SRP14: variants seen among roughly 807,000 people sequenced by gnomAD.
SRP14 encodes signal recognition particle 14 kDa protein.
In SRP14, 1 loss-of-function variant was observed where a neutral mutation model predicts 16.0. The ratio of observed to expected loss-of-function variants is 0.06; its 90% confidence interval spans 0.02 to 0.30. SRP14 has a LOEUF of 0.30. SRP14 is among the 10% of genes least tolerant of loss of function. SRP14 has a pLI of 1.00. For synonymous variants in SRP14, 67 were observed against 60.1 expected, an observed-to-expected ratio of 1.12 and a Z score of -0.53; for missense variants, 120 against 163.1, an observed-to-expected ratio of 0.74 and a Z score of 1.44.
rs2035609656 is a variant in SRP14, at chr15:40,035,737, T to C, written c.*596A>G. The C allele has an allele frequency of 6.6e-6, 1 of 152,278 alleles. No individual in the cohort carries two copies. Among genetic ancestry groups the C allele is most frequent in the Non-Finnish European group, 1.5e-5 (1 of 68,130 alleles). The allele number at this position is 152,278 out of a possible 1,614,324, so 9.4% of individuals were successfully genotyped here. On this transcript the variant is annotated 3_prime_UTR_variant, in exon 5 of 5. Coordinates refer to ENST00000267884, the MANE Select transcript of SRP14 (RefSeq NM_003134.6). ...AAGGGCATAAAGAAACCAAAAATCA[T>C]AATTACTTTGGAACCTTTATTCTTG... is the stretch of plus-strand genomic sequence containing the variant.
rs1350716297 is a variant in SRP14, at chr15:40,035,843, A to C, written c.*490T>G. The C allele has an allele frequency of 6.5e-6, 1 of 153,870 alleles. No homozygotes were observed. Among genetic ancestry groups the C allele is most frequent in the Non-Finnish European group, 1.4e-5 (1 of 69,222 alleles). The allele number at this position is 153,870 out of a possible 1,614,324, so 9.5% of individuals were successfully genotyped here. A position where few individuals can be genotyped will look rare whatever the true frequency, so the allele number is the denominator to read the frequency against. The stretch of plus-strand genomic sequence containing the variant: ...GAGAACTCATCGAAACTGGGGAACC[A>C]TGATGATAAAATTATACAGCCAGGT... On this transcript the variant is annotated 3_prime_UTR_variant, in exon 5 of 5. Coordinates refer to ENST00000267884, the MANE Select transcript of SRP14 (RefSeq NM_003134.6).
chr15:40,036,850 G>T, intron 4 of SRP14, 136 bp downstream of exon 4: 1 of 1,003,392 alleles, frequency 1.0e-6, no homozygotes. Context: ...TCACACCCTG[G>T]CAGCTTTTAC....
intron 3 of SRP14, among the ~76,000 whole-genome samples, chr15:40,037,940 G>C (rs1380945066): frequency 6.6e-6 from 1 of 151,948 alleles, no homozygotes; most frequent in Non-Finnish European, 1.5e-5. Flanking sequence ...GGAAATAATA[G>C]CATCACCTGG....
rs1455607849 is a variant in SRP14, at chr15:40,036,241, T to C, written c.*92A>G. 6.4e-7 allele frequency: 1 copy of C among 1,570,580 alleles called. No individual in the cohort carries two copies. Among genetic ancestry groups the C allele is most frequent in the Non-Finnish European group, 8.7e-7 (1 of 1,154,390 alleles). ...GACCCTAATCTTATGTGAAAACACC[T>C]ACTGTGGGGGAACCAGAAACCTAGC... On this transcript the variant is annotated 3_prime_UTR_variant, in exon 5 of 5. Transcript: ENST00000267884.
At chr15:40,039,199 C>T, upstream of SRP14, 2 of 1,488,212 alleles carry the variant, frequency 1.3e-6, no homozygotes, top group East Asian at 4.8e-5. Context: ...GCGGGACTTC[C>T]GCTACTAGAC....
At chr15:40,037,540 T>C (rs199623334) in intron 3 of SRP14, among the ~76,000 whole-genome samples, 5 of 151,932 alleles carry the variant, frequency 3.3e-5, no homozygotes, top group Non-Finnish European at 7.4e-5. Context: ...GTTTTTGTTA[T>C]TTCATGATAT....
chr15:40,036,036 A>G lies in SRP14; in HGVS notation c.*297T>C, dbSNP rs1046210209. On this transcript the variant is annotated 3_prime_UTR_variant, in exon 5 of 5. Coordinates refer to ENST00000267884, the MANE Select transcript of SRP14 (RefSeq NM_003134.6). Reference sequence around the variant, plus strand: ...TGGGTTGGGAAAGGAATAAAGAGACAGTGCTGATAAACAGACATGTTTAAT... The same window carrying G: ...TGGGTTGGGAAAGGAATAAAGAGACGGTGCTGATAAACAGACATGTTTAAT... The G allele has an allele frequency of 2.4e-6, 1 of 414,630 alleles. No individual in the cohort carries two copies. The highest frequency in any genetic ancestry group is 2.0e-5 in the African/African-American group (1 of 49,950). The allele number at this position is 414,630 out of a possible 1,614,324, so 25.7% of individuals were successfully genotyped here. A position where few individuals can be genotyped will look rare whatever the true frequency, so the allele number is the denominator to read the frequency against.
At chr15:40,036,852 A>C in intron 4 of SRP14, 134 bp downstream of exon 4, 1 of 1,020,308 alleles carries the variant, frequency 9.8e-7, no homozygotes, top group Non-Finnish European at 1.5e-6. Flanking sequence ...ACACCCTGGC[A>C]GCTTTTACTT....
At chr15:40,038,223 A>T (rs2035660202) in intron 3 of SRP14, 59 bp downstream of exon 3, 4 of 1,378,150 alleles carry the variant, frequency 2.9e-6, no homozygotes, top group Non-Finnish European at 4.1e-6. Flanking sequence ...GAAACGCCCC[A>T]TCCTCTGTTA....
intron 3 of SRP14, chr15:40,037,275 T>C (rs768231451): frequency 9.1e-6 from 3 of 328,154 alleles, no homozygotes; most frequent in Middle Eastern, 7.3e-4. Context: ...AGGCTCCTTT[T>C]GGGGAAAAAA....
Position 40,038,909 on chromosome 15 carries a change from T to C in SRP14, c.64A>G (p.Thr22Ala). The C allele has an allele frequency of 6.2e-7, 1 of 1,613,632 alleles. No individual in the cohort carries two copies. The highest frequency in any genetic ancestry group is 1.1e-5 in the South Asian group (1 of 91,030). The change falls in exon 2 of 5, where the codon ACG (threonine) becomes GCG (alanine). Residue 22 changes from threonine to alanine, a missense_variant. Physicochemically the swap from Thr to Ala is moderately conservative, Grantham distance 58 (BLOSUM62 0). Transcript: ENST00000267884. Reference protein sequence around the residue: ...ELTRLFQKCRTSGSVYITLKK... With the variant: ...ELTRLFQKCRASGSVYITLKK... ...AAGGTGATATAGACGCTGCCCGACG[T>C]CCGGCACTTCTGGAAAAGTCTGGTC...
At chr15:40,038,668 A>G in intron 2 of SRP14, 1 of 625,674 alleles carries the variant, frequency 1.6e-6, no homozygotes, top group Non-Finnish European at 2.8e-6. Flanking sequence ...CTTGGGGCCC[A>G]TTGTTACCAG....
At chr15:40,038,139 A>C (rs1425735224) in intron 3 of SRP14, 143 bp downstream of exon 3, 4 of 660,496 alleles carry the variant, frequency 6.1e-6, no homozygotes, top group Non-Finnish European at 2.7e-6. Context: ...TTCCACTACT[A>C]AAGTATAGGA....
At chr15:40,037,617 T>TGG (rs2035649200) in intron 3 of SRP14, among the ~76,000 whole-genome samples, 2 of 130,376 alleles carry the variant, frequency 1.5e-5, no homozygotes, top group African/African-American at 3.4e-5. Flanking sequence ...TAACTTGTCC[T>TGG]TAGGTTTTTG....
rs754559357 is a variant in SRP14 at position 40,036,350 on chromosome 15, C to CTGCTGTTGT, written c.385_393dup (p.Thr129_Ala131dup). 3 of 1,612,864 alleles carry CTGCTGTTGT rather than the reference C, an allele frequency of 1.9e-6. No homozygotes were observed. Among genetic ancestry groups the CTGCTGTTGT allele is most frequent in the Non-Finnish European group, 2.5e-6 (3 of 1,179,346 alleles). On this transcript the variant is annotated inframe_insertion, in exon 5 of 5. Coordinates refer to ENST00000267884, the MANE Select transcript of SRP14 (RefSeq NM_003134.6). ...TATGCCCTTTACTGTGCTGCTGTTG[C>CTGCTGTTGT]TGCTGTTGTTGCTGCTGTTGTTGGT...
At chr15:40,038,578 G>A (rs1380053625) in intron 2 of SRP14, 184 bp from the exon 3 acceptor site, 2 of 611,184 alleles carry the variant, frequency 3.3e-6, no homozygotes, top group African/African-American at 1.9e-5. Context: ...TTTCCACGAC[G>A]GAAACATGTA....
At chr15:40,038,855 G>C (rs763602576) in intron 2 of SRP14, 21 bp downstream of exon 2, 2 of 1,612,588 alleles carry the variant, frequency 1.2e-6, no homozygotes, top group African/African-American at 2.7e-5. Context: ...AGCATCGCCC[G>C]GCTCCCCTCC....
chr15:40,036,613 C>G, intron 4 of SRP14, 113 bp from the exon 5 acceptor site: 1 of 1,014,146 alleles, frequency 9.9e-7, no homozygotes, highest in South Asian at 1.5e-5. Context: ...GAATATAGCA[C>G]CATTGGACAC....
intron 4 of SRP14, chr15:40,036,777 T>A: frequency 1.5e-6 from 1 of 659,846 alleles, no homozygotes; most frequent in Non-Finnish European, 2.6e-6. Context: ...AGCATATATC[T>A]ACAGCCTAAG....
Sources: gnomAD v4.1 joint callset for allele counts (sites outside exome capture counted in the v4.1 genomes callset) on GRCh38, gnomAD v4.1.1 for gene constraint, MANE v1.5 for transcripts, NCBI Gene and HGNC (gene_info 2026-07-23, HGNC 2026-07-21) for gene names.